CIT: variants seen among roughly 807,000 people sequenced by gnomAD.
CIT encodes citron Rho-interacting kinase.
In CIT, 79 loss-of-function variants were observed where a neutral mutation model predicts 272.7. The observed-to-expected ratio is 0.29, with a 90% confidence interval of 0.24 to 0.35. The LOEUF (loss-of-function observed/expected upper bound fraction) is 0.35. CIT is among the 10% of genes least tolerant of loss of function. The probability of loss-of-function intolerance (pLI) is 1.00; values close to 1 mark genes in which losing one functional copy is unlikely to be tolerated. For synonymous variants in CIT, 948 were observed against 995.6 expected (o/e 0.95, Z 0.90); for missense variants, 1,909 against 2,618.3 (o/e 0.73, Z 5.91).
intron 13 of CIT, among the ~76,000 whole-genome samples, chr12:119,779,377 T>C (rs1437619856): frequency 6.6e-6 from 1 of 152,182 alleles, no homozygotes; most frequent in Non-Finnish European, 1.5e-5. Context: ...AAATTAAAAT[T>C]AAAAATTACA....
In CIT at chr12:119,823,067, T is replaced by C. The variant is rs143522505; in HGVS notation, c.958-94A>G. 1,328 of 1,339,682 alleles carry C rather than the reference T, an allele frequency of 9.9e-4. 2 individuals are homozygous for C. The highest frequency in any genetic ancestry group is 1.2e-3 in the Non-Finnish European group (1,238 of 991,630). 83.0% of individuals were successfully genotyped at this position (1,339,682 alleles called of 1,614,324 possible). ...AAAGTATTTCTCATATATGCAAGTT[T>C]CTTTTTTTTTGTTTTTTAGAGAAGG... On this transcript the variant is annotated intron_variant, in intron 8 of 47. Transcript: ENST00000392521.
chr12:119,713,678 C>T lies in CIT; in HGVS notation c.4307-30G>A. 6.2e-7 allele frequency: 1 copy of T among 1,608,682 alleles called. No individual in the cohort carries two copies. The highest frequency in any genetic ancestry group is 8.5e-7 in the Non-Finnish European group (1 of 1,175,032). ...GGAAGAACAGTGAGCAACCTGAGGG[C>T]ATGCTCAGCTGACCCTGGACCCTTC... On this transcript the variant is annotated intron_variant, in intron 33 of 47. Coordinates refer to ENST00000392521, the MANE Select transcript of CIT (RefSeq NM_001206999.2). The surrounding 1 kb of genome is among the most constrained non-coding windows in gnomAD (Gnocchi z 5.2).
intron 13 of CIT, among the ~76,000 whole-genome samples, chr12:119,777,204 G>A (rs572194077): frequency 2.6e-5 from 4 of 151,900 alleles, no homozygotes; most frequent in South Asian, 2.1e-4. Context: ...GCAGTGAGCC[G>A]AGATCGCGCC....
rs1304144820 is a variant in CIT at position 119,718,695 on chromosome 12, C to G, written c.4003+4G>C. 6.2e-7 allele frequency: 1 copy of G among 1,612,900 alleles called. No individual in the cohort carries two copies. The highest frequency in any genetic ancestry group is 8.5e-7 in the Non-Finnish European group (1 of 1,180,002). ...TGAGCATTTTGGAGAGAGTGAGCCC[C>G]TACCTTCCTCCCGGGCGGACCGGAG... On this transcript the variant is annotated splice_donor_region_variant and intron_variant, in intron 31 of 47. Coordinates refer to ENST00000392521, the MANE Select transcript of CIT (RefSeq NM_001206999.2). This position sits in a 1 kb window ranked among gnomAD's most constrained non-coding sequence, Gnocchi z 4.8.
rs35222584 is a variant in CIT, at chr12:119,691,171, CAAAAAAAAAAAAA to C, written c.5883-730_5883-718del. 1.3e-4 allele frequency among the ~76,000 whole-genome samples: 9 copies of C among 70,256 alleles called. No individual in the cohort carries two copies. The Admixed American group carries it at 1.5e-3, about 11-fold the overall frequency. The allele number at this position is 70,256 out of a possible 152,430, so 46.1% of individuals were successfully genotyped here. On this transcript the variant is annotated intron_variant, in intron 46 of 47. Coordinates refer to ENST00000392521, the MANE Select transcript of CIT (RefSeq NM_001206999.2). ...TAAGTGACAGAGCAAGACTCCGTCT[CAAAAAAAAAAAAA>C]AAAAAAAAAGACCAGTTTGATGTCA...
At chr12:119,818,236 C>G (rs754667171) in intron 9 of CIT, among the ~76,000 whole-genome samples, 1 of 152,098 alleles carries the variant, frequency 6.6e-6, no homozygotes, top group Non-Finnish European at 1.5e-5. Context: ...GTGTAATATA[C>G]TTGAATGCCT....
At chr12:119,811,296 T>C (rs1265838605) in intron 9 of CIT, among the ~76,000 whole-genome samples, 3 of 151,942 alleles carry the variant, frequency 2.0e-5, no homozygotes, top group Non-Finnish European at 4.4e-5. Context: ...AAAGCAAGAC[T>C]CTCTCTCAAA....
In CIT at chr12:119,805,901, G is replaced by A. The variant is rs1277142351; in HGVS notation, c.1112-2512C>T. Among the ~76,000 whole-genome samples, 12 of 152,144 alleles carry A rather than the reference G, an allele frequency of 7.9e-5. No homozygotes were observed. In the East Asian group the frequency reaches 1.5e-3, roughly 20 times the overall value. On this transcript the variant is annotated intron_variant, in intron 9 of 47. Coordinates refer to ENST00000392521, the MANE Select transcript of CIT (RefSeq NM_001206999.2). ...TGTAATCCCAGCACCTTGGGAGGGC[G>A]AGGCAGGTGGATCACCTGAGGTCAG...
At chr12:119,735,441 C>T in intron 24 of CIT, 84 bp from the exon 25 acceptor site, 2 of 1,359,794 alleles carry the variant, frequency 1.5e-6, no homozygotes, top group East Asian at 2.3e-5. Flanking sequence ...GATTTCTGAA[C>T]CCACGTGACA....
At chr12:119,755,453 C>T (rs1274088783) in intron 22 of CIT, among the ~76,000 whole-genome samples, 1 of 152,216 alleles carries the variant, frequency 6.6e-6, no homozygotes, top group East Asian at 1.9e-4. Context: ...GTCTGCTTAA[C>T]AGGACCTTCC....
intron 44 of CIT, 56 bp from the exon 45 acceptor site, chr12:119,698,110 A>G: frequency 6.6e-7 from 1 of 1,509,988 alleles, no homozygotes. Context: ...AAAGAGGGAA[A>G]ATCAAAATCT....
chr12:119,709,787 AGTGT>A (rs150206566), intron 39 of CIT, among the ~76,000 whole-genome samples: 11,871 of 107,152 alleles, frequency 0.11, 619 homozygotes, highest in Non-Finnish European at 0.13. Flanking sequence ...AGAGAGAGAG[AGTGT>A]GTGTGTGTGT....
chr12:119,701,588 G>A, intron 43 of CIT, 36 bp downstream of exon 43: 1 of 1,606,668 alleles, frequency 6.2e-7, no homozygotes, highest in Non-Finnish European at 8.5e-7. Flanking sequence ...GTGTCCATGA[G>A]GACCCAAAAG....
intron 10 of CIT, among the ~76,000 whole-genome samples, chr12:119,786,053 GT>G (rs1200795731): frequency 1.3e-5 from 2 of 150,374 alleles, no homozygotes; most frequent in East Asian, 3.9e-4. Context: ...CTTTGTTTTT[GT>G]TTTTTTTTCT....
At chr12:119,779,203 G>C (rs975546131) in intron 13 of CIT, among the ~76,000 whole-genome samples, 3 of 152,010 alleles carry the variant, frequency 2.0e-5, no homozygotes, top group South Asian at 2.1e-4. Context: ...CTGGGTGACA[G>C]AGCAAGACTC....
chr12:119,868,977 A>G, intron 3 of CIT, 83 bp downstream of exon 3: 3 of 1,516,780 alleles, frequency 2.0e-6, no homozygotes, highest in Non-Finnish European at 2.7e-6. Context: ...GACTACTATC[A>G]ACCAGTAACT....
chr12:119,738,745 T>C (rs1958911506), intron 24 of CIT, among the ~76,000 whole-genome samples: 1 of 152,032 alleles, frequency 6.6e-6, no homozygotes, highest in Non-Finnish European at 1.5e-5. Flanking sequence ...TAGCTGGGCA[T>C]GGTGGCACAT....
intron 5 of CIT, among the ~76,000 whole-genome samples, chr12:119,839,796 T>C (rs1388063209): frequency 6.6e-6 from 1 of 151,732 alleles, no homozygotes; most frequent in Non-Finnish European, 1.5e-5. Flanking sequence ...AGAAGAAAAA[T>C]AAACTTGGGA....
At chr12:119,867,337 C>G (rs1258873029) in intron 3 of CIT, among the ~76,000 whole-genome samples, 2 of 151,984 alleles carry the variant, frequency 1.3e-5, no homozygotes, top group African/African-American at 4.8e-5. Context: ...TACAGGCGCC[C>G]GCTGCCACAT....
Sources: gnomAD v4.1 joint callset for allele counts (sites outside exome capture counted in the v4.1 genomes callset) on GRCh38, gnomAD v4.1.1 for gene constraint, Gnocchi (gnomAD v3.1) non-coding constraint, MANE v1.5 for transcripts, NCBI Gene and HGNC (gene_info 2026-07-23, HGNC 2026-07-21) for gene names.